The following RBPJ variants were observed in gnomAD, a reference collection of about 807,000 sequenced individuals.
RBPJ encodes the protein recombination signal binding protein for immunoglobulin kappa J region, also known as recombining binding protein suppressor of hairless.
A neutral mutation model predicts 67.8 loss-of-function variants in RBPJ; 9 were observed. The observed-to-expected ratio is 0.13, with a 90% confidence interval of 0.08 to 0.23. The LOEUF (loss-of-function observed/expected upper bound fraction) is 0.23. RBPJ is among the 10% of genes least tolerant of loss of function. RBPJ has a pLI of 1.00. For synonymous variants in RBPJ, 198 were observed against 203.3 expected (o/e 0.97, Z 0.22); for missense variants, 305 against 595.6 (o/e 0.51, Z 5.08).
chr4:26,143,197 C>T, the RBPJ span, among the ~76,000 whole-genome samples: 2 of 152,240 alleles, frequency 1.3e-5, no homozygotes, highest in Non-Finnish European at 2.9e-5. Context: ...GATTATCTCT[C>T]TGCTCCCTCA....
chr4:26,341,724 G>A (rs1431379455), intron 1 of RBPJ, among the ~76,000 whole-genome samples: 1 of 152,132 alleles, frequency 6.6e-6, no homozygotes, highest in Non-Finnish European at 1.5e-5. Flanking sequence ...TGAAGTGACG[G>A]AGACAAAAAC....
intron 1 of RBPJ, among the ~76,000 whole-genome samples, chr4:26,373,079 G>T (rs1400703217): frequency 6.6e-6 from 1 of 152,180 alleles, no homozygotes; most frequent in Non-Finnish European, 1.5e-5. Flanking sequence ...TCATTATAAT[G>T]TAAGTTACAA....
At chr4:26,246,298 C>T (rs1287630030) in intron 1 of RBPJ, among the ~76,000 whole-genome samples, 3 of 151,862 alleles carry the variant, frequency 2.0e-5, no homozygotes, top group East Asian at 1.9e-4. Context: ...AAATTTATTC[C>T]GAAGTAGTTT....
At chr4:26,109,623 CCTCTCTCTCTCTCTCTCTGTCTCTCT>C in the RBPJ span, among the ~76,000 whole-genome samples, 2,481 of 20,248 alleles carry the variant, frequency 0.12, 149 homozygotes, top group Non-Finnish European at 0.14. Flanking sequence ...TGTCCACCTT[CCTCTCTCTCTCTCTCTCTGTCTCTCT>C]CTCTCTCTCT....
At chr4:26,407,229 T>C (rs1733512299) in intron 3 of RBPJ, among the ~76,000 whole-genome samples, 1 of 152,204 alleles carries the variant, frequency 6.6e-6, no homozygotes, top group East Asian at 1.9e-4. Flanking sequence ...GAATAAGCTC[T>C]TGATCCTAAA....
At chr4:26,127,848 A>C in the RBPJ span, among the ~76,000 whole-genome samples, 4 of 152,166 alleles carry the variant, frequency 2.6e-5, no homozygotes, top group South Asian at 8.3e-4. Flanking sequence ...CACCCCATGT[A>C]CTCACTGCCT....
intron 1 of RBPJ, among the ~76,000 whole-genome samples, chr4:26,214,769 GAGAA>G (rs796401731): frequency 0.21 from 3,575 of 17,116 alleles, 145 homozygotes; most frequent in African/African-American, 0.43. Context: ...AGAGAAAAAA[GAGAA>G]AGAAAGAAAG....
the RBPJ span, among the ~76,000 whole-genome samples, chr4:26,118,130 A>G: frequency 1.3e-5 from 2 of 152,128 alleles, no homozygotes. Context: ...ATTCAAATAT[A>G]TATTCACCCA....
chr4:26,218,290 G>A (rs1422062052), intron 1 of RBPJ, among the ~76,000 whole-genome samples: 1 of 152,182 alleles, frequency 6.6e-6, no homozygotes, highest in Non-Finnish European at 1.5e-5. Context: ...GATTCTCAGT[G>A]ATGTAACCAA....
At chr4:26,272,254 A>G (rs1284458997) in intron 1 of RBPJ, among the ~76,000 whole-genome samples, 4 of 152,138 alleles carry the variant, frequency 2.6e-5, no homozygotes, top group African/African-American at 7.2e-5. Flanking sequence ...AAAAATGAAG[A>G]CGTCATTTTT....
At chr4:26,394,959 A>G (rs1461804452) in intron 2 of RBPJ, among the ~76,000 whole-genome samples, 2 of 152,296 alleles carry the variant, frequency 1.3e-5, no homozygotes, top group African/African-American at 4.8e-5. Flanking sequence ...TCTCTCACTA[A>G]GAATATTTTT....
At chr4:26,389,480 C>T (rs922074824) in intron 2 of RBPJ, among the ~76,000 whole-genome samples, 7 of 148,266 alleles carry the variant, frequency 4.7e-5, no homozygotes, top group East Asian at 2.0e-4. Flanking sequence ...AGATATATAC[C>T]GTTTTAGGCA....
intron 1 of RBPJ, among the ~76,000 whole-genome samples, chr4:26,245,398 G>A (rs993779362): frequency 6.6e-6 from 1 of 151,736 alleles, no homozygotes; most frequent in East Asian, 1.9e-4. Context: ...TAGTGGAGAC[G>A]GGGTTTCACC....
the RBPJ span, among the ~76,000 whole-genome samples, chr4:26,139,210 G>A: frequency 0.014 from 2,087 of 152,340 alleles, 18 homozygotes; most frequent in Middle Eastern, 0.024. Flanking sequence ...TGGAGACTCA[G>A]TTTCCTCATC....
At chr4:26,107,752 G>A in the RBPJ span, among the ~76,000 whole-genome samples, 2 of 152,102 alleles carry the variant, frequency 1.3e-5, no homozygotes, top group Admixed American at 6.6e-5. Flanking sequence ...ACAAAAATTA[G>A]CCAGGTATGA....
At chr4:26,356,238 A>T (rs1237725167) in intron 1 of RBPJ, among the ~76,000 whole-genome samples, 1 of 152,182 alleles carries the variant, frequency 6.6e-6, no homozygotes, top group Non-Finnish European at 1.5e-5. Context: ...AGCTGTGAGT[A>T]CTTTTAGCTA....
At chr4:26,214,639 G>GAAA (rs140541150) in intron 1 of RBPJ, among the ~76,000 whole-genome samples, 22 of 130,576 alleles carry the variant, frequency 1.7e-4, no homozygotes, top group Admixed American at 7.3e-4. Context: ...GAAAGAAAAA[G>GAAA]AAAAAAGAAA....
intron 1 of RBPJ, among the ~76,000 whole-genome samples, chr4:26,350,232 A>G (rs755004550): frequency 2.6e-5 from 4 of 152,228 alleles, no homozygotes; most frequent in East Asian, 1.9e-4. Flanking sequence ...GGTTTGTACT[A>G]CCAACTTTAT....
chr4:26,429,062 A>G (rs1474019476), intron 8 of RBPJ, among the ~76,000 whole-genome samples: 2 of 152,306 alleles, frequency 1.3e-5, no homozygotes, highest in Non-Finnish European at 2.9e-5. Flanking sequence ...ACTCAAAATT[A>G]TGAAAATGTT....
Sources: gnomAD v4.1 joint callset for allele counts (sites outside exome capture counted in the v4.1 genomes callset) on GRCh38, gnomAD v4.1.1 for gene constraint, MANE v1.5 for transcripts, NCBI Gene and HGNC (gene_info 2026-07-23, HGNC 2026-07-21) for gene names.